CFAP77: variants seen among roughly 807,000 people sequenced by gnomAD.
The protein encoded by CFAP77 is cilia and flagella associated protein 77.
Under a neutral mutation model 31.1 loss-of-function variants are expected in CFAP77, and 25 were observed. That is an observed-to-expected ratio of 0.80 (90% CI 0.59 to 1.12). The LOEUF is 1.12. Among genes scored for constraint, CFAP77 ranks in the 50% most tolerant of loss-of-function variants. The pLI is 0.00. For missense variants in CFAP77, 377 were observed against 397.3 expected, an observed-to-expected ratio of 0.95 and a Z score of 0.44; for synonymous variants, 151 against 159.9, an observed-to-expected ratio of 0.94 and a Z score of 0.42.
intron 1 of CFAP77, among the ~76,000 whole-genome samples, chr9:132,422,894 G>A (rs189154896): frequency 6.6e-6 from 1 of 152,366 alleles, no homozygotes; most frequent in East Asian, 1.9e-4. Context: ...TCCCCAACCA[G>A]GCTGGGCACA....
chr9:132,411,012 A>G lies in CFAP77; in HGVS notation c.195+546A>G, dbSNP rs185964709. Among the ~76,000 whole-genome samples the G allele has an allele frequency of 3.5e-3, 539 of 152,368 alleles. 2 individuals are homozygous for G. Among genetic ancestry groups the G allele is most frequent in the African/African-American group, 8.7e-3 (363 of 41,580 alleles). On this transcript the variant is annotated intron_variant, in intron 1 of 5. Transcript: ENST00000393216. ...CAAATTACAACCCTAAGAGAAAAAA[A>G]GCATAATCTTTGGCCTAGGAGGCTC... is the stretch of plus-strand genomic sequence containing the variant.
intron 5 of CFAP77, 126 bp from the exon 6 acceptor site, chr9:132,572,262 T>G: frequency 3.3e-6 from 4 of 1,215,048 alleles, no homozygotes; most frequent in Non-Finnish European, 4.6e-6. Context: ...TGCTGTGACT[T>G]CCTCCCTCTT....
intron 1 of CFAP77, among the ~76,000 whole-genome samples, chr9:132,440,537 AC>A (rs1182763478): frequency 3.3e-5 from 5 of 152,174 alleles, no homozygotes; most frequent in Non-Finnish European, 5.9e-5. Flanking sequence ...GCCTGAAGTC[AC>A]ACTGCTAGTG....
intron 5 of CFAP77, among the ~76,000 whole-genome samples, chr9:132,558,313 G>C (rs948107936): frequency 2.0e-5 from 3 of 152,152 alleles, no homozygotes; most frequent in Non-Finnish European, 4.4e-5. Flanking sequence ...ATACTATCAA[G>C]AAAATAAAAA....
chr9:132,572,707 GC>G lies in CFAP77; in HGVS notation c.*201del, dbSNP rs1829976344. 5.1e-6 allele frequency: 3 copies of G among 586,356 alleles called. No individual in the cohort carries two copies. Among genetic ancestry groups the G allele is most frequent in the Non-Finnish European group, 8.8e-6 (3 of 340,798 alleles). 36.3% of individuals were successfully genotyped at this position (586,356 alleles called of 1,614,324 possible). A position where few individuals can be genotyped will look rare whatever the true frequency, so the allele number is the denominator to read the frequency against. The stretch of plus-strand genomic sequence containing the variant: ...GTTAGCCAACATTAGTCTCCACTTA[GC>G]CCCAGTGACCCTCTACCTGGAGCCT... On this transcript the variant is annotated 3_prime_UTR_variant, in exon 6 of 6. Coordinates refer to ENST00000393216, the MANE Select transcript of CFAP77 (RefSeq NM_001282957.2).
At chr9:132,551,897 G>A (rs1166132326) in intron 5 of CFAP77, among the ~76,000 whole-genome samples, 1 of 152,324 alleles carries the variant, frequency 6.6e-6, no homozygotes, top group Middle Eastern at 3.4e-3. Context: ...TCAGGAATGA[G>A]GGATTTTATG....
At chr9:132,433,870 C>G (rs1358966102) in intron 1 of CFAP77, among the ~76,000 whole-genome samples, 5 of 151,002 alleles carry the variant, frequency 3.3e-5, no homozygotes, top group Non-Finnish European at 7.4e-5. Context: ...TTTTAAAACC[C>G]AGCTTTGGTC....
rs538800784 is a variant in CFAP77, at chr9:132,455,396, A to T, written c.196-43299A>T. On this transcript the variant is annotated intron_variant, in intron 1 of 5. Transcript: ENST00000393216. The surrounding 1 kb of genome is among the most constrained non-coding windows in gnomAD (Gnocchi z 4.1). ...GTGGCGGGCACCTGATATCCCAGCT[A>T]CTCGGGAGGCTGAGGCAGGGAGGAC... Among the ~76,000 whole-genome samples, 1 of 152,026 alleles carries T rather than the reference A, an allele frequency of 6.6e-6. No individual in the cohort carries two copies. The highest frequency in any genetic ancestry group is 1.5e-5 in the Non-Finnish European group (1 of 67,988).
intron 5 of CFAP77, among the ~76,000 whole-genome samples, chr9:132,555,933 C>A (rs1474638944): frequency 3.9e-5 from 6 of 152,098 alleles, no homozygotes; most frequent in Non-Finnish European, 2.9e-5. Context: ...AATCAACATG[C>A]AAAACATACA....
chr9:132,522,718 G>A (rs1447348935), intron 3 of CFAP77, among the ~76,000 whole-genome samples: 1 of 152,228 alleles, frequency 6.6e-6, no homozygotes, highest in Non-Finnish European at 1.5e-5. Context: ...GCATGGTGGG[G>A]TAGGGCTGGG....
intron 1 of CFAP77, among the ~76,000 whole-genome samples, chr9:132,483,789 C>G (rs1851490986): frequency 1.3e-5 from 2 of 152,182 alleles, no homozygotes; most frequent in Admixed American, 1.3e-4. Context: ...AAGACTGAGC[C>G]ACGTTTTCAA....
intron 3 of CFAP77, among the ~76,000 whole-genome samples, chr9:132,506,525 T>C (rs1340906196): frequency 6.6e-6 from 1 of 151,686 alleles, no homozygotes; most frequent in African/African-American, 2.4e-5. Context: ...GCTCTGCCGC[T>C]GTTCTGCTTG....
At chr9:132,434,144 A>G (rs901837932) in intron 1 of CFAP77, among the ~76,000 whole-genome samples, 14 of 151,776 alleles carry the variant, frequency 9.2e-5, no homozygotes, top group Non-Finnish European at 2.1e-4. Context: ...ATCTCGAAAA[A>G]ATAAAAATAA....
chr9:132,530,902 A>G (rs1445818904), intron 3 of CFAP77, among the ~76,000 whole-genome samples: 2 of 152,064 alleles, frequency 1.3e-5, no homozygotes, highest in African/African-American at 2.4e-5. Context: ...GTATAGTTTA[A>G]TGTTTTGTAT....
chr9:132,415,223 A>C (rs1429909853), intron 1 of CFAP77, among the ~76,000 whole-genome samples: 1 of 152,184 alleles, frequency 6.6e-6, no homozygotes, highest in Non-Finnish European at 1.5e-5. Context: ...TCATTTTTCT[A>C]GAGAGTGCCG....
intron 1 of CFAP77, among the ~76,000 whole-genome samples, chr9:132,445,996 G>T (rs888323809): frequency 1.6e-4 from 24 of 151,898 alleles, no homozygotes; most frequent in African/African-American, 5.8e-4. Flanking sequence ...ATTGGGTGCC[G>T]CTCTCCACCT....
chr9:132,502,656 T>C (rs1851870888), intron 3 of CFAP77, among the ~76,000 whole-genome samples: 1 of 152,232 alleles, frequency 6.6e-6, no homozygotes, highest in Non-Finnish European at 1.5e-5. Flanking sequence ...CGCATGTGAA[T>C]TTCATTCCTT....
rs534269382 is a variant in CFAP77 at position 132,444,613 on chromosome 9, G to A, written c.195+34147G>A. Among the ~76,000 whole-genome samples, 7 of 152,298 alleles carry A rather than the reference G, an allele frequency of 4.6e-5. 1 individual carries two copies. The East Asian group carries it at 7.7e-4, about 17-fold the overall frequency. The stretch of plus-strand genomic sequence containing the variant: ...CTTCCGGCAGGGTGGCTGGGTCTTG[G>A]CTGTGGTCTCCCGAAATCGTGCAGT... On this transcript the variant is annotated intron_variant, in intron 1 of 5. Coordinates refer to ENST00000393216, the MANE Select transcript of CFAP77 (RefSeq NM_001282957.2).
intron 1 of CFAP77, among the ~76,000 whole-genome samples, chr9:132,449,121 GA>G (rs1850777140): frequency 1.3e-5 from 2 of 152,312 alleles, no homozygotes; most frequent in Non-Finnish European, 2.9e-5. Flanking sequence ...TATGGTTCAT[GA>G]AACTATGATA....
Sources: allele counts gnomAD v4.1 joint callset (sites outside exome capture counted in the v4.1 genomes callset), GRCh38; gene constraint gnomAD v4.1.1; non-coding constraint Gnocchi (gnomAD v3.1); transcripts MANE v1.5; gene names NCBI Gene and HGNC (gene_info 2026-07-23, HGNC 2026-07-21).